Variants in MASP1 observed in about 807,000 individuals in gnomAD.
The protein encoded by MASP1 is mannan-binding lectin serine protease 1.
MASP1 carries 59 observed loss-of-function variants against 77.1 expected under a neutral mutation model. The observed-to-expected ratio is 0.77, with a 90% CI of 0.62 to 0.95. The LOEUF (loss-of-function observed/expected upper bound fraction) is 0.95, where lower values mean the gene tolerates loss of function less well. Ranked by LOEUF, MASP1 falls within the 40% of genes least tolerant of loss-of-function variation. The pLI is 0.00. For synonymous variants in MASP1, 362 were observed against 354.5 expected (o/e 1.02, Z -0.24); for missense variants, 885 against 912.9 (o/e 0.97, Z 0.39).
chr3:187,277,288 C>T (rs144112441), intron 2 of MASP1, among the ~76,000 whole-genome samples: 33 of 152,216 alleles, frequency 2.2e-4, no homozygotes, highest in African/African-American at 7.9e-4. Context: ...CTGGAGAAAA[C>T]ACAGACATAG....
At chr3:187,291,350 C>T in intron 1 of MASP1, 1 of 548,122 alleles carries the variant, frequency 1.8e-6, no homozygotes, top group Non-Finnish European at 3.3e-6. Context: ...CAGGCAGCAC[C>T]CTGTGCAGGC....
intron 2 of MASP1, among the ~76,000 whole-genome samples, chr3:187,273,161 A>G (rs149695971): frequency 8.4e-4 from 128 of 152,160 alleles, no homozygotes; most frequent in African/African-American, 2.8e-3. Context: ...CCTGGATACT[A>G]TTTCTCCATT....
chr3:187,266,640 A>C (rs1050656614), intron 2 of MASP1, among the ~76,000 whole-genome samples: 2 of 152,182 alleles, frequency 1.3e-5, no homozygotes, highest in African/African-American at 2.4e-5. Flanking sequence ...GGGGTATTCA[A>C]ATCTCAGCTG....
At chr3:187,250,507 C>A (rs1418956163) in intron 7 of MASP1, among the ~76,000 whole-genome samples, 178 bp from the exon 8 acceptor site, 1 of 152,148 alleles carries the variant, frequency 6.6e-6, no homozygotes, top group Non-Finnish European at 1.5e-5. Flanking sequence ...TGAATTCATA[C>A]CTCCTTTTCA....
chr3:187,287,363 T>A (rs1232864514), intron 1 of MASP1, among the ~76,000 whole-genome samples: 1 of 152,200 alleles, frequency 6.6e-6, no homozygotes, highest in Non-Finnish European at 1.5e-5. Context: ...CTGTCTTGCT[T>A]ATCCTCCACC....
At chr3:187,247,351 T>C in intron 8 of MASP1, 1 of 1,614,070 alleles carries the variant, frequency 6.2e-7, no homozygotes, top group Non-Finnish European at 8.5e-7. Context: ...TCACTTGCTC[T>C]GACTTGAGTT....
intron 13 of MASP1, among the ~76,000 whole-genome samples, chr3:187,224,339 T>C (rs561909863): frequency 7.0e-6 from 1 of 142,226 alleles, no homozygotes; most frequent in Non-Finnish European, 1.5e-5. Flanking sequence ...CTGTGCTGAG[T>C]ATTTTTTTTT....
At chr3:187,240,573 C>T (rs1332317184) in intron 10 of MASP1, among the ~76,000 whole-genome samples, 1 of 152,116 alleles carries the variant, frequency 6.6e-6, no homozygotes, top group Non-Finnish European at 1.5e-5. Flanking sequence ...TGGGGCTACA[C>T]TTTTCTAAGT....
chr3:187,278,779 A>T (rs545230348), intron 2 of MASP1, among the ~76,000 whole-genome samples: 1 of 152,158 alleles, frequency 6.6e-6, no homozygotes, highest in African/African-American at 2.4e-5. Context: ...ATAGCTGTCC[A>T]GGAGGCCTGT....
chr3:187,220,904 G>T (rs1041614112), intron 15 of MASP1: 2 of 710,250 alleles, frequency 2.8e-6, no homozygotes, highest in Non-Finnish European at 2.6e-6. Context: ...CTCCTCCCAC[G>T]GCCTTCCTCC....
At chr3:187,281,855 A>T (rs1454260924) in intron 2 of MASP1, among the ~76,000 whole-genome samples, 1 of 152,186 alleles carries the variant, frequency 6.6e-6, no homozygotes, top group African/African-American at 2.4e-5. Context: ...GCCACATGGC[A>T]TATTTGCGCT....
chr3:187,277,167 T>C (rs1717033172), intron 2 of MASP1, among the ~76,000 whole-genome samples: 1 of 152,158 alleles, frequency 6.6e-6, no homozygotes, highest in Non-Finnish European at 1.5e-5. Flanking sequence ...AATGAAGACG[T>C]GACTTGCCCA....
Position 187,269,317 on chromosome 3 carries a change from C to T in MASP1, c.238-6597G>A, listed in dbSNP as rs16861811. Among the ~76,000 whole-genome samples, 183 of 152,124 alleles carry T rather than the reference C, an allele frequency of 1.2e-3. 2 individuals carry two copies. Among genetic ancestry groups the T allele is most frequent in the African/African-American group, 4.1e-3 (171 of 41,482 alleles). On this transcript the variant is annotated intron_variant, in intron 2 of 10. Transcript: ENST00000296280. Reference sequence around the variant, plus strand: ...TATGTTTTTCATCTAGTGGAGTGAACTATATTCTGCTACATTGGAGACCCA... The same window carrying T: ...TATGTTTTTCATCTAGTGGAGTGAATTATATTCTGCTACATTGGAGACCCA...
chr3:187,226,224 G>C, intron 12 of MASP1: 1 of 629,878 alleles, frequency 1.6e-6, no homozygotes, highest in Non-Finnish European at 2.9e-6. Context: ...GCCTTCTCAT[G>C]GTCACGTGTC....
At chr3:187,262,289 A>G (rs1715646543) in intron 3 of MASP1, among the ~76,000 whole-genome samples, 1 of 152,226 alleles carries the variant, frequency 6.6e-6, no homozygotes, top group Admixed American at 6.5e-5. Flanking sequence ...AATAATATGC[A>G]TGCTGAATTA....
rs551139106 is a variant in MASP1 at position 187,217,403 on chromosome 3, A to T, written c.*2668T>A. The T allele has an allele frequency of 2.6e-5, 4 of 152,368 alleles. No homozygotes were observed. The East Asian group carries it at 7.7e-4, about 29-fold the overall frequency. 9.4% of individuals were successfully genotyped at this position (152,368 alleles called of 1,614,324 possible). On this transcript the variant is annotated 3_prime_UTR_variant, in exon 16 of 16. Coordinates refer to the MASP1 transcript ENST00000337774. ...CTAACAGCAGCACTCATGGTATGAA[A>T]TTATAGCTTCAGTTATACAAACTGT...
At position 187,234,138 on chromosome 3, in the gene MASP1, G is replaced by A. The variant is rs1712935434; in HGVS notation, c.*1546C>T. The A allele has an allele frequency of 1.6e-6, 2 of 1,287,080 alleles. 1 individual carries two copies. Among genetic ancestry groups the A allele is most frequent in the Middle Eastern group, 6.5e-4 (2 of 3,064 alleles). 79.7% of individuals were successfully genotyped at this position (1,287,080 alleles called of 1,614,324 possible). ...TGAGACCCCTGATGGGAGCAACAAT[G>A]CAGAGGCCCTTTACAGAATGGTGAA... On this transcript the variant is annotated 3_prime_UTR_variant, in exon 11 of 11. Transcript: ENST00000296280.
intron 11 of MASP1, among the ~76,000 whole-genome samples, chr3:187,227,063 G>A (rs998520927): frequency 2.6e-5 from 4 of 152,224 alleles, no homozygotes; most frequent in Admixed American, 6.5e-5. Flanking sequence ...CTGGCTGCAC[G>A]TTAGAATTAC....
intron 4 of MASP1, among the ~76,000 whole-genome samples, chr3:187,257,954 A>T (rs1715237937): frequency 6.6e-6 from 1 of 152,160 alleles, no homozygotes; most frequent in South Asian, 2.1e-4. Flanking sequence ...GACCAACATT[A>T]ATGTTAAATA....
Sources: gnomAD v4.1 joint callset for allele counts (sites outside exome capture counted in the v4.1 genomes callset) on GRCh38, gnomAD v4.1.1 for gene constraint, MANE v1.5 for transcripts, NCBI Gene and HGNC (gene_info 2026-07-23, HGNC 2026-07-21) for gene names.